FXR2: variants seen among roughly 807,000 people sequenced by gnomAD.
The protein encoded by FXR2 is FMR1 autosomal homolog 2.
Under a neutral mutation model 87.3 loss-of-function variants are expected in FXR2, and 9 were observed. That is an observed-to-expected ratio of 0.10 (90% CI 0.06 to 0.18). The LOEUF is 0.18. Among genes scored for constraint, FXR2 ranks in the 10% least tolerant of loss-of-function variants. The pLI, the probability that FXR2 is intolerant of heterozygous loss-of-function variation, is 1.00. For synonymous variants in FXR2, 331 were observed against 328.3 expected (o/e 1.01, Z -0.09); for missense variants, 661 against 893.6 (o/e 0.74, Z 3.32).
rs2071791095 is a variant in FXR2, at chr17:7,604,922, C to T, written c.228+723G>A. Among the ~76,000 whole-genome samples the T allele has an allele frequency of 4.0e-5, 6 of 151,646 alleles. No individual in the cohort carries two copies. The South Asian group carries it at 1.2e-3, about 32-fold the overall frequency. On this transcript the variant is annotated intron_variant, in intron 3 of 16. Transcript: ENST00000250113. ...ATTTTTAGTAGAGATGGGGTTTCAT[C>T]ATGTTGGCCAGGCTGGTCTTGAACT...
intron 1 of FXR2, 24 bp downstream of exon 1, chr17:7,614,428 T>A (rs749773723): frequency 1.2e-4 from 178 of 1,493,222 alleles, no homozygotes; most frequent in Non-Finnish European, 1.5e-4. Context: ...AGGACCGGCG[T>A]CCCCAGTCGG....
At position 7,592,265 on chromosome 17, in the gene FXR2, A is replaced by G. The variant is rs767833787; in HGVS notation, c.1915T>C (p.Ser639Pro). ...TCTTGCCTGCCTACCTTCTGTCCTGAAAGAGAGTCTTCTGAGGGTTTAGTG... is the reference window on the plus strand; with the variant it reads ...TCTTGCCTGCCTACCTTCTGTCCTGGAAGAGAGTCTTCTGAGGGTTTAGTG... ...ERTKPSEDSLSGQKGDSVSKL... is the reference protein window; with the variant it reads ...ERTKPSEDSLPGQKGDSVSKL... The change falls in exon 16 of 17, where the codon TCA (serine) becomes CCA (proline). Residue 639 changes from serine (S) to proline (P), a missense_variant. By Grantham distance (74) the Ser-to-Pro change is moderately conservative. This residue lies in a region of FXR2 where 409 missense variants were observed against 432.0 expected (regional missense o/e 0.95). Transcript: ENST00000250113. This position sits in a 1 kb window ranked among gnomAD's most constrained non-coding sequence, Gnocchi z 4.8. 8 of 1,611,070 alleles carry G rather than the reference A, an allele frequency of 5.0e-6. No homozygotes were observed. The highest frequency in any genetic ancestry group is 3.4e-6 in the Non-Finnish European group (4 of 1,177,238).
rs1004247753 is a variant in FXR2 at position 7,595,956 on chromosome 17, G to A, written c.699C>T (p.Phe233=). 6.2e-7 allele frequency: 1 copy of A among 1,613,706 alleles called. No homozygotes were observed. Among genetic ancestry groups the A allele is most frequent in the Non-Finnish European group, 8.5e-7 (1 of 1,179,742 alleles). Residue 233 remains phenylalanine (F), a synonymous_variant, in exon 8 of 17, where the codon TTC becomes TTT. Transcript: ENST00000250113. The surrounding 1 kb of genome is among the most constrained non-coding windows in gnomAD (Gnocchi z 4.7). ...GTCCCATCAGGTCCTCTCGCACTGT[G>A]AACTCCTCTTGGAAGGCTGCTGCCA... ...KQLAAAFQEE[F]TVREDLMGLA...
intron 3 of FXR2, among the ~76,000 whole-genome samples, chr17:7,604,636 A>G (rs1297666703): frequency 1.4e-5 from 2 of 144,582 alleles, no homozygotes; most frequent in Non-Finnish European, 3.0e-5. Flanking sequence ...GGTTGCAGTG[A>G]GCTGAGACCG....
At chr17:7,604,158 G>T in intron 3 of FXR2, 78 bp from the exon 4 acceptor site, 1 of 1,094,412 alleles carries the variant, frequency 9.1e-7, no homozygotes, top group Non-Finnish European at 1.4e-6. Flanking sequence ...GGCCGGGCAT[G>T]GTGGGGCTCA....
At chr17:7,606,045 C>T in intron 2 of FXR2, 52 bp downstream of exon 2, 3 of 1,207,008 alleles carry the variant, frequency 2.5e-6, no homozygotes, top group Non-Finnish European at 3.6e-6. Context: ...CCCTCTTCTC[C>T]ACTCTCCTTC....
In FXR2 at chr17:7,592,383, A is replaced by C. The variant is rs767754979; in HGVS notation, c.1826-29T>G. The C allele has an allele frequency of 3.8e-6, 6 of 1,576,824 alleles. No homozygotes were observed. Among genetic ancestry groups the C allele is most frequent in the Non-Finnish European group, 5.2e-6 (6 of 1,146,122 alleles). On this transcript the variant is annotated intron_variant, in intron 15 of 16. Coordinates refer to ENST00000250113, the MANE Select transcript of FXR2 (RefSeq NM_004860.4). This position sits in a 1 kb window ranked among gnomAD's most constrained non-coding sequence, Gnocchi z 4.8. ...GGGAAGGCAGGAGATTAAGACTTTCAGATGGAATTCTGGTAGCCAGCCTAA... is the reference window on the plus strand; with the variant it reads ...GGGAAGGCAGGAGATTAAGACTTTCCGATGGAATTCTGGTAGCCAGCCTAA...
In FXR2 at chr17:7,610,003, T is replaced by C. The variant is rs553185167; in HGVS notation, c.82-3854A>G. ...ACATATATATATACATGTATATGTA[T>C]ACATATATATATACATGTATATGTA... On this transcript the variant is annotated intron_variant, in intron 1 of 16. Transcript: ENST00000250113. Among the ~76,000 whole-genome samples the C allele has an allele frequency of 1.5e-5, 2 of 129,964 alleles. 1 individual carries two copies. The highest frequency in any genetic ancestry group is 5.6e-5 in the African/African-American group (2 of 35,710). The allele number at this position is 129,964 out of a possible 152,430, so 85.3% of individuals were successfully genotyped here. A position where few individuals can be genotyped will look rare whatever the true frequency, so the allele number is the denominator to read the frequency against.
At chr17:7,602,834 C>T (rs1456219501) in intron 6 of FXR2, 75 bp downstream of exon 6, 1 of 745,246 alleles carries the variant, frequency 1.3e-6, no homozygotes, top group African/African-American at 1.8e-5. Flanking sequence ...CCTTCTCTTT[C>T]TGCAAAAGGG....
Position 7,593,179 on chromosome 17 carries a change from G to T in FXR2, c.1333C>A (p.Pro445Thr), listed in dbSNP as rs200834291. The part of the protein sequence containing the change: ...GRRTGGPAYG[P>T]SSDVSTASET... ...GAAGCTGTAGACACATCTGAGCTGG[G>T]GCCTGAAGAACACAATGGGATTTAT... The change falls in exon 13 of 17, where the codon CCC becomes ACC. Residue 445 changes from proline (P) to threonine (T), a missense_variant and splice_region_variant. Transcript: ENST00000250113. The surrounding 1 kb of genome is among the most constrained non-coding windows in gnomAD (Gnocchi z 6.1). 3.3e-5 allele frequency: 50 copies of T among 1,517,148 alleles called. No individual in the cohort carries two copies. The highest frequency in any genetic ancestry group is 4.5e-5 in the Admixed American group (2 of 44,212). The allele number at this position is 1,517,148 out of a possible 1,614,324, so 94.0% of individuals were successfully genotyped here.
rs1236880449 is a variant in FXR2, at chr17:7,602,931, G to A, written c.521C>T (p.Thr174Ile). 7.1e-6 allele frequency: 11 copies of A among 1,543,550 alleles called. No homozygotes were observed. In the African/African-American group the frequency reaches 1.2e-4, roughly 17 times the overall value. ...CACCAGAATGAAGAGCTCACTGTTT[G>A]TGATGTTGAGAAAGATGCAGTTGGC... ...LGANCIFLNITNSELFILSTT... is the reference protein window; with the variant it reads ...LGANCIFLNIINSELFILSTT... The change falls in exon 6 of 17, where the codon ACA becomes ATA. Residue 174 changes from threonine (T) to isoleucine (I), a missense_variant. Physicochemically the swap from Thr to Ile is moderately conservative, Grantham distance 89. Transcript: ENST00000250113.
At chr17:7,606,819 G>A (rs76317502) in intron 1 of FXR2, among the ~76,000 whole-genome samples, 2 of 152,128 alleles carry the variant, frequency 1.3e-5, no homozygotes, top group Non-Finnish European at 2.9e-5. Context: ...TTTGACAAGA[G>A]CAAGAGGGAT....
intron 6 of FXR2, 81 bp from the exon 7 acceptor site, chr17:7,601,606 T>G: frequency 1.2e-6 from 1 of 852,374 alleles, no homozygotes; most frequent in Non-Finnish European, 2.0e-6. Flanking sequence ...GAAATCAGGA[T>G]GCCTAAGTCC....
rs1461988885 is a variant in FXR2 at position 7,593,288 on chromosome 17, A to G, written c.1331-107T>C. On this transcript the variant is annotated intron_variant, in intron 12 of 16. Coordinates refer to ENST00000250113, the MANE Select transcript of FXR2 (RefSeq NM_004860.4). This position sits in a 1 kb window ranked among gnomAD's most constrained non-coding sequence, Gnocchi z 6.1. ...CTTCTCACTCACAAGCCTCCCAGCC[A>G]ATCAATCACTTTTTCATCATCTCCA... The G allele has an allele frequency of 1.6e-6, 2 of 1,220,606 alleles. No homozygotes were observed. The highest frequency in any genetic ancestry group is 5.1e-5 in the East Asian group (2 of 39,196). The allele number at this position is 1,220,606 out of a possible 1,614,324, so 75.6% of individuals were successfully genotyped here. A position where few individuals can be genotyped will look rare whatever the true frequency, so the allele number is the denominator to read the frequency against.
Position 7,592,469 on chromosome 17 carries a change from C to G in FXR2, c.1825+35G>C. 6.3e-7 allele frequency: 1 copy of G among 1,597,816 alleles called. No homozygotes were observed. Among genetic ancestry groups the G allele is most frequent in the East Asian group, 2.2e-5 (1 of 44,808 alleles). On this transcript the variant is annotated intron_variant, in intron 15 of 16. Coordinates refer to ENST00000250113, the MANE Select transcript of FXR2 (RefSeq NM_004860.4). The surrounding 1 kb of genome is among the most constrained non-coding windows in gnomAD (Gnocchi z 4.8). ...GGGTGAGCATCCCATTCTCTCAGCT[C>G]TGAGGAAGGATTCTGGTGTCCAGAG...
Position 7,594,169 on chromosome 17 carries a change from A to G in FXR2, c.1020+69T>C. 5.1e-6 allele frequency: 5 copies of G among 986,440 alleles called. No individual in the cohort carries two copies. The highest frequency in any genetic ancestry group is 1.3e-5 in the South Asian group (1 of 75,548). The allele number at this position is 986,440 out of a possible 1,614,324, so 61.1% of individuals were successfully genotyped here. A position where few individuals can be genotyped will look rare whatever the true frequency, so the allele number is the denominator to read the frequency against. ...CTCCACCCTCTCAAAGAACAATCCC[A>G]GCCCTCAGAGGACAATCCCATTTAC... On this transcript the variant is annotated intron_variant, in intron 10 of 16. Coordinates refer to ENST00000250113, the MANE Select transcript of FXR2 (RefSeq NM_004860.4). The surrounding 1 kb of genome is among the most constrained non-coding windows in gnomAD (Gnocchi z 5.1).
chr17:7,614,112 G>C (rs1188776770), intron 1 of FXR2: 2 of 543,564 alleles, frequency 3.7e-6, no homozygotes, highest in African/African-American at 3.8e-5. Context: ...AAGGTCTAAG[G>C]TATGTCTTCC....
chr17:7,608,320 G>A (rs1027177928), intron 1 of FXR2, among the ~76,000 whole-genome samples: 1 of 151,262 alleles, frequency 6.6e-6, no homozygotes, highest in South Asian at 2.1e-4. Flanking sequence ...CTGGCCAGGG[G>A]CGGTAGCACA....
chr17:7,592,025 T>G lies in FXR2; in HGVS notation c.1927-100A>C, dbSNP rs1457329653. Reference sequence around the variant, plus strand: ...CCATCCAAGCCCTCCTGGCATTTGGTGATCCAGAGGTTGGTTCCCTGATCT... The same window carrying G: ...CCATCCAAGCCCTCCTGGCATTTGGGGATCCAGAGGTTGGTTCCCTGATCT... On this transcript the variant is annotated intron_variant, in intron 16 of 16. Coordinates refer to ENST00000250113, the MANE Select transcript of FXR2 (RefSeq NM_004860.4). This position sits in a 1 kb window ranked among gnomAD's most constrained non-coding sequence, Gnocchi z 4.8. The G allele has an allele frequency of 8.1e-6, 10 of 1,230,728 alleles. No homozygotes were observed. The Admixed American group carries it at 2.5e-4, about 31-fold the overall frequency. The allele number at this position is 1,230,728 out of a possible 1,614,324, so 76.2% of individuals were successfully genotyped here.
Sources: gnomAD v4.1 joint callset for allele counts (sites outside exome capture counted in the v4.1 genomes callset) on GRCh38, gnomAD v4.1.1 for gene constraint, gnomAD v4.1.1 regional missense constraint, Gnocchi (gnomAD v3.1) non-coding constraint, MANE v1.5 for transcripts, NCBI Gene and HGNC (gene_info 2026-07-23, HGNC 2026-07-21) for gene names.